Variants in NCKAP5 observed in about 807,000 individuals in gnomAD.
NCKAP5 encodes the protein nck-associated protein 5.
NCKAP5 carries 92 observed loss-of-function variants against 167.0 expected under a neutral mutation model. The observed-to-expected ratio is 0.55, with a 90% CI of 0.47 to 0.66. The LOEUF (loss-of-function observed/expected upper bound fraction) is 0.66, where lower values mean the gene tolerates loss of function less well. NCKAP5 is among the 30% of genes least tolerant of loss of function. The pLI, the probability that NCKAP5 is intolerant of heterozygous loss-of-function variation, is 0.00. For missense variants in NCKAP5, 2,378 were observed against 2,315.0 expected (o/e 1.03, Z -0.56); for synonymous variants, 891 against 877.4 (o/e 1.02, Z -0.27).
At chr2:133,107,490 G>A (rs535095947) in intron 6 of NCKAP5, among the ~76,000 whole-genome samples, 3 of 152,296 alleles carry the variant, frequency 2.0e-5, no homozygotes, top group East Asian at 1.9e-4. Context: ...TTAATTTAAC[G>A]TTAGTAAATC....
chr2:133,569,698 T>C (rs949343059), upstream of NCKAP5, among the ~76,000 whole-genome samples: 48 of 152,166 alleles, frequency 3.2e-4, no homozygotes, highest in African/African-American at 1.1e-3. Context: ...CACATCTCAC[T>C]ACCCCCAGCA....
At chr2:132,688,050 TC>T (rs1391814646) in intron 19 of NCKAP5, among the ~76,000 whole-genome samples, 2 of 152,222 alleles carry the variant, frequency 1.3e-5, no homozygotes, top group Non-Finnish European at 2.9e-5. Context: ...TTGGCTTCCA[TC>T]CCATATGATG....
chr2:133,109,754 G>A (rs1207741846), intron 6 of NCKAP5, among the ~76,000 whole-genome samples: 1 of 141,238 alleles, frequency 7.1e-6, no homozygotes, highest in Non-Finnish European at 1.5e-5. Flanking sequence ...ATGGGATCAA[G>A]TTTTTCTGAA....
At chr2:133,037,802 T>C (rs906274096) in intron 6 of NCKAP5, among the ~76,000 whole-genome samples, 4 of 152,010 alleles carry the variant, frequency 2.6e-5, no homozygotes, top group African/African-American at 9.7e-5. Flanking sequence ...TGGGATCACA[T>C]CAAGTTCAAA....
chr2:133,222,524 A>G (rs988215641), intron 4 of NCKAP5, among the ~76,000 whole-genome samples: 2 of 152,236 alleles, frequency 1.3e-5, no homozygotes. Context: ...GGCAAATATC[A>G]TCTTAGTATT....
rs987050012 is a variant in NCKAP5 at position 133,349,919 on chromosome 2, A to T, written c.70-46809T>A. On this transcript the variant is annotated intron_variant, in intron 3 of 19. Transcript: ENST00000409261. ...AGGGTAAACTTAATTATATTTTTTTAAATTTTAAAATAATTTTAGGCTCAC... is the reference window on the plus strand; with the variant it reads ...AGGGTAAACTTAATTATATTTTTTTTAATTTTAAAATAATTTTAGGCTCAC... Among the ~76,000 whole-genome samples, 5 of 152,174 alleles carry T rather than the reference A, an allele frequency of 3.3e-5. No individual in the cohort carries two copies. The East Asian group carries it at 9.6e-4, about 29-fold the overall frequency.
chr2:133,625,449 T>C, the NCKAP5 span, among the ~76,000 whole-genome samples: 1 of 151,598 alleles, frequency 6.6e-6, no homozygotes, highest in African/African-American at 2.4e-5. Flanking sequence ...AAATGAATGA[T>C]CCCAGTGCGA....
At chr2:133,189,000 G>A (rs2085082030) in intron 5 of NCKAP5, among the ~76,000 whole-genome samples, 1 of 152,064 alleles carries the variant, frequency 6.6e-6, no homozygotes, top group East Asian at 1.9e-4. Flanking sequence ...CCAGGAGCTG[G>A]TTTTTCGAAA....
At chr2:133,473,920 G>C (rs1330904838) in intron 3 of NCKAP5, among the ~76,000 whole-genome samples, 1 of 152,144 alleles carries the variant, frequency 6.6e-6, no homozygotes, top group Non-Finnish European at 1.5e-5. Context: ...AATAAAGAGA[G>C]TTCCATTTAA....
chr2:132,936,509 G>A (rs2149081803), intron 8 of NCKAP5, among the ~76,000 whole-genome samples: 1 of 152,266 alleles, frequency 6.6e-6, no homozygotes, highest in East Asian at 1.9e-4. Context: ...CTGCACAAGG[G>A]GGTGGGTTAC....
intron 3 of NCKAP5, among the ~76,000 whole-genome samples, chr2:133,458,245 G>A (rs1574988830): frequency 1.3e-5 from 2 of 152,148 alleles, no homozygotes; most frequent in Admixed American, 1.3e-4. Flanking sequence ...TGTTGGAGGA[G>A]AGAATAAGGT....
At chr2:133,174,225 C>T (rs903218362) in intron 5 of NCKAP5, among the ~76,000 whole-genome samples, 2 of 152,064 alleles carry the variant, frequency 1.3e-5, no homozygotes, top group South Asian at 2.1e-4. Context: ...TCTGATGTTT[C>T]TCATTATTGG....
chr2:132,915,004 A>AG (rs1694752417), intron 8 of NCKAP5, among the ~76,000 whole-genome samples: 2 of 151,908 alleles, frequency 1.3e-5, no homozygotes, highest in African/African-American at 4.8e-5. Context: ...AAAAAAAAAA[A>AG]AATGCCTATT....
intron 4 of NCKAP5, among the ~76,000 whole-genome samples, chr2:133,231,636 T>C (rs759329094): frequency 1.3e-5 from 2 of 152,096 alleles, no homozygotes; most frequent in Admixed American, 6.6e-5. Context: ...ATGATTAGAA[T>C]GGCTCTCATA....
At chr2:133,270,135 C>T (rs1483633886) in intron 4 of NCKAP5, among the ~76,000 whole-genome samples, 5 of 152,070 alleles carry the variant, frequency 3.3e-5, no homozygotes, top group East Asian at 3.9e-4. Flanking sequence ...TTCGTAAGTG[C>T]CATACAAATG....
chr2:133,419,307 C>G (rs1227614541), intron 3 of NCKAP5, among the ~76,000 whole-genome samples: 1 of 152,186 alleles, frequency 6.6e-6, no homozygotes, highest in Non-Finnish European at 1.5e-5. Context: ...TGGAATTTGT[C>G]CCCAAATCTT....
chr2:133,025,808 G>A (rs760156197), intron 6 of NCKAP5, among the ~76,000 whole-genome samples: 1 of 152,114 alleles, frequency 6.6e-6, no homozygotes, highest in Non-Finnish European at 1.5e-5. Context: ...TGCCCAGAAA[G>A]GGTAGAACAT....
At chr2:133,549,241 GA>G (rs1458309725) in intron 2 of NCKAP5, among the ~76,000 whole-genome samples, 3 of 152,020 alleles carry the variant, frequency 2.0e-5, no homozygotes, top group African/African-American at 7.3e-5. Context: ...AGTCCTGAGT[GA>G]CCTACAAAGA....
At chr2:133,601,571 A>G in the NCKAP5 span, among the ~76,000 whole-genome samples, 13 of 152,052 alleles carry the variant, frequency 8.5e-5, no homozygotes, top group African/African-American at 3.1e-4. Flanking sequence ...CTCTACTAAA[A>G]AAAATAAAAA....
Sources: allele counts gnomAD v4.1 joint callset (sites outside exome capture counted in the v4.1 genomes callset), GRCh38; gene constraint gnomAD v4.1.1; transcripts MANE v1.5; gene names NCBI Gene and HGNC (gene_info 2026-07-23, HGNC 2026-07-21).